The following CCBE1 variants were observed in gnomAD, a reference collection of about 807,000 sequenced individuals.
The protein encoded by CCBE1 is collagen and calcium binding EGF domains 1.
CCBE1 carries 37 observed loss-of-function variants against 50.0 expected under a neutral mutation model. The ratio of observed to expected loss-of-function variants is 0.74; its 90% CI spans 0.57 to 0.97. The LOEUF (loss-of-function observed/expected upper bound fraction) is 0.97, where lower values mean the gene tolerates loss of function less well. Among genes scored for constraint, CCBE1 ranks in the 50% least tolerant of loss-of-function variants. The pLI, the probability that CCBE1 is intolerant of heterozygous loss-of-function variation, is 0.00. For synonymous variants in CCBE1, 234 were observed against 203.7 expected, an observed-to-expected ratio of 1.15 and a Z score of -1.27; for missense variants, 538 against 523.8, an observed-to-expected ratio of 1.03 and a Z score of -0.26.
At chr18:59,600,016 G>A (rs151012692) in intron 2 of CCBE1, among the ~76,000 whole-genome samples, 64 of 152,216 alleles carry the variant, frequency 4.2e-4, no homozygotes, top group African/African-American at 1.3e-3. Context: ...AAACTTTTGC[G>A]TCATTCCAGA....
At chr18:59,594,835 C>T (rs748819833) in intron 2 of CCBE1, among the ~76,000 whole-genome samples, 38 of 152,094 alleles carry the variant, frequency 2.5e-4, no homozygotes, top group Admixed American at 1.2e-3. Context: ...AGTTCTCAGC[C>T]GGGCGCGGTG....
At chr18:59,457,192 C>A (rs570561494) in intron 5 of CCBE1, among the ~76,000 whole-genome samples, 2 of 152,180 alleles carry the variant, frequency 1.3e-5, no homozygotes, top group Non-Finnish European at 2.9e-5. Flanking sequence ...GCTTTCTAGG[C>A]GAATTCCCGT....
chr18:59,550,860 C>A (rs1915885312), intron 2 of CCBE1, among the ~76,000 whole-genome samples: 1 of 151,248 alleles, frequency 6.6e-6, no homozygotes, highest in African/African-American at 2.4e-5. Context: ...AAAAAATTAA[C>A]CGGGCGTGGT....
At chr18:59,488,973 T>C (rs1334691566) in intron 2 of CCBE1, among the ~76,000 whole-genome samples, 1 of 152,172 alleles carries the variant, frequency 6.6e-6, no homozygotes, top group Non-Finnish European at 1.5e-5. Flanking sequence ...CAGGCCTGGC[T>C]TGAAGTGAAA....
At chr18:59,532,972 A>G (rs1315428723) in intron 2 of CCBE1, among the ~76,000 whole-genome samples, 1 of 152,220 alleles carries the variant, frequency 6.6e-6, no homozygotes, top group East Asian at 1.9e-4. Flanking sequence ...AGAACCTCTC[A>G]CGGAGTATGG....
Position 59,594,489 on chromosome 18 carries a change from G to A in CCBE1, c.212+102140C>T, listed in dbSNP as rs558411522. On this transcript the variant is annotated intron_variant, in intron 2 of 10. Transcript: ENST00000439986. ...GATGGATGATGATTGATGGTTGCAC[G>A]CGTACTTAATGCCAGTGAACTGCTC... Among the ~76,000 whole-genome samples, 17 of 152,312 alleles carry A rather than the reference G, an allele frequency of 1.1e-4. No homozygotes were observed. In the South Asian group the frequency reaches 2.5e-3, roughly 22 times the overall value.
In CCBE1 at chr18:59,546,519, C is replaced by G. The variant is rs150159907; in HGVS notation, c.213-66281G>C. Among the ~76,000 whole-genome samples the G allele has an allele frequency of 2.4e-3, 362 of 152,352 alleles. 6 individuals carry two copies. Among genetic ancestry groups the G allele is most frequent in the African/African-American group, 8.2e-3 (342 of 41,574 alleles). On this transcript the variant is annotated intron_variant, in intron 2 of 10. Coordinates refer to ENST00000439986, the MANE Select transcript of CCBE1 (RefSeq NM_133459.4). The stretch of plus-strand genomic sequence containing the variant: ...TGCCATTTCACAGAGGCCCAGTCCC[C>G]TGCAGGAAAGGCCATATGAAGAAAG...
chr18:59,545,768 T>G (rs911158047), intron 2 of CCBE1, among the ~76,000 whole-genome samples: 12 of 152,208 alleles, frequency 7.9e-5, no homozygotes, highest in African/African-American at 2.9e-4. Context: ...TCTCATGAGA[T>G]CTGACGGTTT....
intron 3 of CCBE1, among the ~76,000 whole-genome samples, chr18:59,472,230 T>G (rs558775107): frequency 2.0e-5 from 3 of 152,332 alleles, no homozygotes; most frequent in South Asian, 4.1e-4. Flanking sequence ...CTTCTAAGTT[T>G]TCACTGGCCC....
chr18:59,650,633 C>T (rs1408756733), intron 2 of CCBE1, among the ~76,000 whole-genome samples: 1 of 151,460 alleles, frequency 6.6e-6, no homozygotes, highest in African/African-American at 2.4e-5. Flanking sequence ...TGGGAAAGCT[C>T]ACCACGCATT....
At position 59,648,688 on chromosome 18, in the gene CCBE1, C is replaced by T. The variant is rs551968533; in HGVS notation, c.212+47941G>A. On this transcript the variant is annotated intron_variant, in intron 2 of 10. Coordinates refer to ENST00000439986, the MANE Select transcript of CCBE1 (RefSeq NM_133459.4). ...CTGCACTCCAGCCTGGGCAACAGAG[C>T]AAGACCCTGTCTCAAAAGAACGAAA... Among the ~76,000 whole-genome samples, 3 of 152,288 alleles carry T rather than the reference C, an allele frequency of 2.0e-5. No individual in the cohort carries two copies. The East Asian group carries it at 5.8e-4, about 29-fold the overall frequency.
chr18:59,644,194 G>C (rs1297873784), intron 2 of CCBE1, among the ~76,000 whole-genome samples: 4 of 152,194 alleles, frequency 2.6e-5, no homozygotes, highest in Non-Finnish European at 5.9e-5. Context: ...GTTCTCAACA[G>C]CGCTCCTGCC....
At chr18:59,630,709 C>T (rs1005143314) in intron 2 of CCBE1, among the ~76,000 whole-genome samples, 8 of 152,184 alleles carry the variant, frequency 5.3e-5, no homozygotes, top group Non-Finnish European at 1.0e-4. Context: ...TGGATCTAGG[C>T]TCTAAGATTA....
At chr18:59,473,688 A>C (rs1269334762) in intron 3 of CCBE1, among the ~76,000 whole-genome samples, 4 of 127,150 alleles carry the variant, frequency 3.1e-5, no homozygotes, top group Non-Finnish European at 6.7e-5. Flanking sequence ...CTCACCATCC[A>C]ACCCTCCCAC....
intron 2 of CCBE1, among the ~76,000 whole-genome samples, chr18:59,628,414 C>T (rs1465066111): frequency 6.6e-6 from 1 of 152,060 alleles, no homozygotes; most frequent in African/African-American, 2.4e-5. Flanking sequence ...AGTCTTACTG[C>T]CCCTACTCCA....
At chr18:59,675,489 T>G (rs1418461411) in intron 2 of CCBE1, among the ~76,000 whole-genome samples, 1 of 152,230 alleles carries the variant, frequency 6.6e-6, no homozygotes, top group Non-Finnish European at 1.5e-5. Flanking sequence ...TCTGCTCCTC[T>G]GAGCAGCTTC....
At chr18:59,641,540 A>T (rs1461333287) in intron 2 of CCBE1, among the ~76,000 whole-genome samples, 1 of 116,804 alleles carries the variant, frequency 8.6e-6, no homozygotes, top group Non-Finnish European at 2.2e-5. Flanking sequence ...TGTACACCAA[A>T]CCCCGTGACA....
intron 2 of CCBE1, among the ~76,000 whole-genome samples, chr18:59,656,740 A>G (rs1411433248): frequency 6.6e-6 from 1 of 152,232 alleles, no homozygotes; most frequent in East Asian, 1.9e-4. Flanking sequence ...TAAAGAGCAA[A>G]TGCTAATTTT....
intron 2 of CCBE1, among the ~76,000 whole-genome samples, chr18:59,511,133 G>A (rs375591324): frequency 1.3e-4 from 20 of 152,264 alleles, no homozygotes; most frequent in African/African-American, 2.6e-4. Context: ...CCCTGACTTC[G>A]TTTTTATGCT....
Sources: gnomAD v4.1 joint callset for allele counts (sites outside exome capture counted in the v4.1 genomes callset) on GRCh38, gnomAD v4.1.1 for gene constraint, MANE v1.5 for transcripts, NCBI Gene and HGNC (gene_info 2026-07-23, HGNC 2026-07-21) for gene names.